RABGAP1L: variants seen among roughly 807,000 people sequenced by gnomAD.
The protein encoded by RABGAP1L is RAB GTPase activating protein 1 like.
RABGAP1L carries 63 observed loss-of-function variants against 137.7 expected under a neutral mutation model. The ratio of observed to expected loss-of-function variants is 0.46; its 90% confidence interval spans 0.37 to 0.56. The LOEUF is 0.56. Ranked by LOEUF, RABGAP1L falls within the 20% of genes least tolerant of loss-of-function variation. The pLI, the probability that RABGAP1L is intolerant of heterozygous loss-of-function variation, is 0.00. For synonymous variants in RABGAP1L, 431 were observed against 433.7 expected (o/e 0.99, Z 0.08); for missense variants, 1,095 against 1,244.0 (o/e 0.88, Z 1.80).
intron 19 of RABGAP1L, among the ~76,000 whole-genome samples, chr1:174,842,424 T>C (rs1380656871): frequency 6.6e-6 from 1 of 152,208 alleles, no homozygotes; most frequent in Non-Finnish European, 1.5e-5. Flanking sequence ...GGTTAGGTCA[T>C]AAACTACAGA....
intron 11 of RABGAP1L, among the ~76,000 whole-genome samples, chr1:174,363,193 T>C (rs998065303): frequency 6.6e-6 from 1 of 152,238 alleles, no homozygotes; most frequent in South Asian, 2.1e-4. Flanking sequence ...AGCCCTGTAG[T>C]ATAGTTTGAA....
chr1:174,723,463 A>G (rs776581773), intron 17 of RABGAP1L, among the ~76,000 whole-genome samples: 1 of 152,202 alleles, frequency 6.6e-6, no homozygotes, highest in Non-Finnish European at 1.5e-5. Flanking sequence ...TATGTTGGAG[A>G]TAAGGTCGTA....
chr1:174,807,508 G>A (rs1689428590), intron 18 of RABGAP1L, among the ~76,000 whole-genome samples: 2 of 152,172 alleles, frequency 1.3e-5, no homozygotes, highest in African/African-American at 4.8e-5. Flanking sequence ...GTCAGCAAAT[G>A]AAGAGTTATC....
chr1:174,873,108 G>A (rs191784963), intron 19 of RABGAP1L, among the ~76,000 whole-genome samples: 5 of 151,894 alleles, frequency 3.3e-5, no homozygotes, highest in Non-Finnish European at 4.4e-5. Context: ...TTGCTCTGTC[G>A]CCCAGGCTGG....
chr1:174,946,978 G>GTATATA (rs1273519158), intron 19 of RABGAP1L, among the ~76,000 whole-genome samples: 1 of 105,872 alleles, frequency 9.4e-6, no homozygotes, highest in Admixed American at 1.2e-4. Flanking sequence ...GTGTGTGTGT[G>GTATATA]TGTATATATA....
chr1:174,350,951 G>C (rs1262414408), intron 11 of RABGAP1L, among the ~76,000 whole-genome samples: 1 of 103,146 alleles, frequency 9.7e-6, no homozygotes, highest in South Asian at 3.9e-4. Flanking sequence ...GTGGCGGCGC[G>C]TGCCTGCAAT....
intron 13 of RABGAP1L, among the ~76,000 whole-genome samples, chr1:174,435,269 A>G (rs990310707): frequency 6.6e-6 from 1 of 152,094 alleles, no homozygotes; most frequent in Non-Finnish European, 1.5e-5. Context: ...CCTCCTCGTT[A>G]GGCCTCCCAA....
chr1:174,208,475 G>A (rs1482602057), intron 1 of RABGAP1L, among the ~76,000 whole-genome samples: 1 of 151,966 alleles, frequency 6.6e-6, no homozygotes, highest in East Asian at 1.9e-4. Context: ...AGTTTACTGA[G>A]AGTTTTTGTT....
intron 13 of RABGAP1L, among the ~76,000 whole-genome samples, chr1:174,534,325 G>A (rs1198586896): frequency 6.6e-6 from 1 of 151,980 alleles, no homozygotes; most frequent in Admixed American, 6.6e-5. Flanking sequence ...TCCCCCTGCC[G>A]TTATTCATGA....
At chr1:174,252,658 C>T (rs2148600812) in intron 7 of RABGAP1L, 68 bp downstream of exon 7, 1 of 1,547,088 alleles carries the variant, frequency 6.5e-7, no homozygotes, top group East Asian at 2.4e-5. Flanking sequence ...AGATGCATTG[C>T]TCAGTGTGGC....
chr1:174,271,797 T>G (rs1674576082), intron 7 of RABGAP1L, among the ~76,000 whole-genome samples: 1 of 152,060 alleles, frequency 6.6e-6, no homozygotes, highest in Admixed American at 6.6e-5. Context: ...CAGAACAATA[T>G]TAAATAGTTA....
Position 174,174,914 on chromosome 1 carries a change from G to A in RABGAP1L, c.-34+15257G>A, listed in dbSNP as rs147597037. Reference sequence around the variant, plus strand: ...GGGAAACACCCTCATAGGCAAATGCGGAAATAATGCTTTTACTAGCTATCT... The same window carrying A: ...GGGAAACACCCTCATAGGCAAATGCAGAAATAATGCTTTTACTAGCTATCT... On this transcript the variant is annotated intron_variant, in intron 1 of 25. Coordinates refer to ENST00000681986, the MANE Select transcript of RABGAP1L (RefSeq NM_001366446.1). Among the ~76,000 whole-genome samples, 189 of 152,244 alleles carry A rather than the reference G, an allele frequency of 1.2e-3. 1 individual carries two copies. The highest frequency in any genetic ancestry group is 4.4e-3 in the African/African-American group (184 of 41,550).
At chr1:174,263,862 C>G (rs2148637637) in intron 7 of RABGAP1L, among the ~76,000 whole-genome samples, 1 of 151,726 alleles carries the variant, frequency 6.6e-6, no homozygotes, top group African/African-American at 2.4e-5. Context: ...GTATGACTTT[C>G]TTTCTTTTTT....
At chr1:174,883,174 G>A (rs543727074) in intron 19 of RABGAP1L, among the ~76,000 whole-genome samples, 12 of 152,060 alleles carry the variant, frequency 7.9e-5, no homozygotes, top group Non-Finnish European at 1.5e-4. Context: ...TTTTAGATTC[G>A]CTACTTACCA....
At chr1:174,643,450 GC>G (rs1456255361) in intron 14 of RABGAP1L, among the ~76,000 whole-genome samples, 3 of 152,124 alleles carry the variant, frequency 2.0e-5, no homozygotes, top group Non-Finnish European at 1.5e-5. Context: ...ATTCTAATGA[GC>G]AGTGAAATAA....
intron 17 of RABGAP1L, among the ~76,000 whole-genome samples, chr1:174,737,848 C>T (rs757254489): frequency 1.5e-4 from 23 of 152,038 alleles, no homozygotes; most frequent in African/African-American, 2.4e-5. Flanking sequence ...ATGGAAAGAG[C>T]GGGACCAAGA....
intron 20 of RABGAP1L, among the ~76,000 whole-genome samples, chr1:174,962,171 T>C: frequency 7.4e-6 from 1 of 134,238 alleles, no homozygotes; most frequent in South Asian, 2.3e-4. Flanking sequence ...TGAGACTCCG[T>C]CTCAAAAAAT....
At chr1:174,300,813 C>T (rs1385901338) in intron 10 of RABGAP1L, among the ~76,000 whole-genome samples, 1 of 152,048 alleles carries the variant, frequency 6.6e-6, no homozygotes, top group Non-Finnish European at 1.5e-5. Flanking sequence ...TTTCAGTGAG[C>T]CAAGGTGGCG....
At chr1:174,455,981 A>C (rs1656000833) in intron 13 of RABGAP1L, among the ~76,000 whole-genome samples, 1 of 152,086 alleles carries the variant, frequency 6.6e-6, no homozygotes, top group Non-Finnish European at 1.5e-5. Flanking sequence ...AAAGTTCTTG[A>C]ATAATGTATT....
Sources: allele counts gnomAD v4.1 joint callset (sites outside exome capture counted in the v4.1 genomes callset), GRCh38; gene constraint gnomAD v4.1.1; transcripts MANE v1.5; gene names NCBI Gene and HGNC (gene_info 2026-07-23, HGNC 2026-07-21).